The following PSG11 variants were observed in gnomAD, a reference collection of about 807,000 sequenced individuals.
The protein encoded by PSG11 is pregnancy-specific beta-1-glycoprotein 11.
A neutral mutation model predicts 36.0 loss-of-function variants in PSG11; 42 were observed. That is an observed-to-expected ratio of 1.17 (90% CI 0.91 to 1.51). The LOEUF (loss-of-function observed/expected upper bound fraction) is 1.51. Among genes scored for constraint, PSG11 ranks in the 40% most tolerant of loss-of-function variants. The pLI is 0.00. For synonymous variants in PSG11, 206 were observed against 153.5 expected (o/e 1.34, Z -2.53); for missense variants, 558 against 403.5 (o/e 1.38, Z -3.28).
intron 3 of PSG11, among the ~76,000 whole-genome samples, chr19:43,016,394 C>A (rs1966967825): frequency 6.6e-6 from 1 of 151,144 alleles, no homozygotes; most frequent in African/African-American, 2.4e-5. Flanking sequence ...CTGGAATGTG[C>A]AACTGCTGGG....
intron 4 of PSG11, among the ~76,000 whole-genome samples, chr19:43,011,181 C>G (rs1176167841): frequency 6.6e-6 from 1 of 151,030 alleles, no homozygotes; most frequent in East Asian, 1.9e-4. Flanking sequence ...GACATTGGTT[C>G]CTCTGTATGT....
intron 5 of PSG11, among the ~76,000 whole-genome samples, chr19:43,009,020 T>C (rs1974004192): frequency 6.6e-6 from 1 of 151,152 alleles, no homozygotes; most frequent in Non-Finnish European, 1.5e-5. Context: ...TGTAGCTCTA[T>C]TTCCCATCAG....
intron 5 of PSG11, among the ~76,000 whole-genome samples, chr19:43,008,311 C>A (rs1973981160): frequency 6.6e-6 from 1 of 151,182 alleles, no homozygotes; most frequent in Admixed American, 6.6e-5. Context: ...CTCACTCTGT[C>A]ATCCAGACTG....
chr19:43,013,730 A>G (rs1966887807), intron 4 of PSG11, among the ~76,000 whole-genome samples: 1 of 151,592 alleles, frequency 6.6e-6, no homozygotes, highest in Non-Finnish European at 1.5e-5. Flanking sequence ...TCAAAAAATT[A>G]AACAATGAAT....
chr19:43,017,032 C>A lies in PSG11; in HGVS notation c.710-1662G>T, dbSNP rs142373897. 6.9e-3 allele frequency among the ~76,000 whole-genome samples: 1,045 copies of A among 151,364 alleles called. 32 individuals carry two copies. Among genetic ancestry groups the A allele is most frequent in the African/African-American group, 0.024 (974 of 41,076 alleles). On this transcript the variant is annotated intron_variant, in intron 3 of 5. Coordinates refer to ENST00000320078, the MANE Select transcript of PSG11 (RefSeq NM_002785.3). Reference sequence around the variant, plus strand: ...CCCCTGGGTTCGACTACTCTAGGGACCTCATGTAAATGGATTCCAGAGTGA... The same window carrying A: ...CCCCTGGGTTCGACTACTCTAGGGAACTCATGTAAATGGATTCCAGAGTGA...
intron 4 of PSG11, among the ~76,000 whole-genome samples, chr19:43,011,039 A>G (rs547530085): frequency 1.2e-4 from 18 of 151,064 alleles, no homozygotes; most frequent in African/African-American, 3.4e-4. Context: ...CATTTTGCCA[A>G]TGAAAAGACA....
At chr19:43,025,165 AC>A in intron 1 of PSG11, 109 bp from the exon 2 acceptor site, 2 of 1,376,408 alleles carry the variant, frequency 1.5e-6, no homozygotes, top group Non-Finnish European at 2.0e-6. Flanking sequence ...TTGAAGACAC[AC>A]ACACACACAC....
Position 43,016,575 on chromosome 19 carries a change from G to A in PSG11, c.710-1205C>T, listed in dbSNP as rs374625690. ...GGATGTTTCAGCAGAAATAACACAG[G>A]GGAGACCAGAGTCAAGCCTGGAGGT... On this transcript the variant is annotated intron_variant, in intron 3 of 5. Transcript: ENST00000320078. Among the ~76,000 whole-genome samples, 4 of 151,596 alleles carry A rather than the reference G, an allele frequency of 2.6e-5. 1 individual carries two copies. Among genetic ancestry groups the A allele is most frequent in the African/African-American group, 2.4e-5 (1 of 41,192 alleles).
At chr19:43,014,230 G>T (rs1966899261) in intron 4 of PSG11, 1 of 613,248 alleles carries the variant, frequency 1.6e-6, no homozygotes, top group Non-Finnish European at 2.0e-6. Flanking sequence ...CTTAGAAACA[G>T]TTAATGGTAA....
At chr19:43,013,059 G>A (rs919902147) in intron 4 of PSG11, among the ~76,000 whole-genome samples, 1 of 151,344 alleles carries the variant, frequency 6.6e-6, no homozygotes, top group African/African-American at 2.4e-5. Context: ...ATGGTATTGG[G>A]AAAGCTGGAT....
At position 43,016,103 on chromosome 19, in the gene PSG11, C is replaced by T. The variant is rs1440491381; in HGVS notation, c.710-733G>A. On this transcript the variant is annotated intron_variant, in intron 3 of 5. Transcript: ENST00000320078. ...GTGGCACCTTTGATTCCTCCACAGG[C>T]ATCCTTCAATCAGAGTTGGCATCTC... 1.2e-5 allele frequency: 19 copies of T among 1,552,534 alleles called. No homozygotes were observed. In the East Asian group the frequency reaches 1.6e-4, roughly 13 times the overall value.
At chr19:43,023,169 G>A (rs1967145259) in intron 2 of PSG11, among the ~76,000 whole-genome samples, 1 of 150,434 alleles carries the variant, frequency 6.6e-6, no homozygotes, top group African/African-American at 2.5e-5. Context: ...TGGCTTTAGG[G>A]GCAAGAGGTA....
intron 4 of PSG11, among the ~76,000 whole-genome samples, chr19:43,010,861 T>C (rs968086645): frequency 4.8e-5 from 7 of 146,530 alleles, no homozygotes; most frequent in African/African-American, 1.5e-4. Context: ...GTAGCCTTGT[T>C]CTAGTGTTTT....
intron 2 of PSG11, chr19:43,019,502 C>T (rs1311087431): frequency 1.1e-5 from 2 of 185,642 alleles, no homozygotes; most frequent in African/African-American, 4.7e-5. Flanking sequence ...ATGGAACTTC[C>T]CATTGTCCTT....
chr19:43,011,098 C>T (rs376874462), intron 4 of PSG11, among the ~76,000 whole-genome samples: 5 of 150,884 alleles, frequency 3.3e-5, no homozygotes, highest in African/African-American at 1.2e-4. Context: ...TGGCTAGTGA[C>T]AGGTGGATCT....
intron 4 of PSG11, chr19:43,010,325 T>C: frequency 4.6e-6 from 7 of 1,512,984 alleles, no homozygotes; most frequent in Non-Finnish European, 6.2e-6. Flanking sequence ...TCTATGTCAT[T>C]GGAACTTGTC....
chr19:43,018,977 T>G lies in PSG11; in HGVS notation c.502A>C (p.Thr168Pro), dbSNP rs779254502. The change falls in exon 3 of 6, where the codon ACC becomes CCC. Residue 168 changes from threonine to proline, a missense_variant. Physicochemically the swap from Thr to Pro is conservative, Grantham distance 38 (BLOSUM62 -1). Transcript: ENST00000320078. ...PREAMETVIL[T>P]CNPETPDASY... The stretch of plus-strand genomic sequence containing the variant: ...GCGTCCGGAGTCTCAGGATTACAGG[T>G]TAAGATCACAGTCTCCATGGCCTCC... 1 of 1,611,994 alleles carries G rather than the reference T, an allele frequency of 6.2e-7. No individual in the cohort carries two copies. The highest frequency in any genetic ancestry group is 1.1e-5 in the South Asian group (1 of 90,818).
At position 43,026,015 on chromosome 19, in the gene PSG11, C is replaced by A. The variant is rs1324173901; in HGVS notation, c.64+294G>T. Among the ~76,000 whole-genome samples the A allele has an allele frequency of 2.2e-5, 3 of 134,060 alleles. No individual in the cohort carries two copies. The East Asian group carries it at 7.8e-4, about 35-fold the overall frequency. 87.9% of individuals were successfully genotyped at this position (134,060 alleles called of 152,430 possible). On this transcript the variant is annotated intron_variant, in intron 1 of 5. Coordinates refer to ENST00000320078, the MANE Select transcript of PSG11 (RefSeq NM_002785.3). Reference sequence around the variant, plus strand: ...GGCGTGCAGTGGCACTATCTCAGCTCACTGCAACTTCCGCCACCCTGGTTC... The same window carrying A: ...GGCGTGCAGTGGCACTATCTCAGCTAACTGCAACTTCCGCCACCCTGGTTC...
chr19:43,008,870 C>T (rs553335298), intron 5 of PSG11, among the ~76,000 whole-genome samples: 1 of 151,240 alleles, frequency 6.6e-6, no homozygotes, highest in East Asian at 1.9e-4. Flanking sequence ...CAAGAGTTCT[C>T]CATCCTTGTT....
Sources: allele counts gnomAD v4.1 joint callset (sites outside exome capture counted in the v4.1 genomes callset), GRCh38; gene constraint gnomAD v4.1.1; transcripts MANE v1.5; gene names NCBI Gene and HGNC (gene_info 2026-07-23, HGNC 2026-07-21).